The following CDC45 variants were observed in gnomAD, a reference collection of about 807,000 sequenced individuals.
CDC45 encodes cell division control protein 45 homolog.
Under a neutral mutation model 77.8 loss-of-function variants are expected in CDC45, and 54 were observed. The observed-to-expected ratio is 0.69, with a 90% CI of 0.56 to 0.87. The LOEUF (loss-of-function observed/expected upper bound fraction) is 0.87. Among genes scored for constraint, CDC45 ranks in the 40% least tolerant of loss-of-function variants. The pLI is 0.00. For synonymous variants in CDC45, 260 were observed against 272.1 expected (o/e 0.96, Z 0.44); for missense variants, 649 against 721.6 (o/e 0.90, Z 1.15).
At chr22:19,495,314 G>A (rs150347773) in intron 6 of CDC45, among the ~76,000 whole-genome samples, 107 of 152,310 alleles carry the variant, frequency 7.0e-4, no homozygotes, top group Middle Eastern at 3.4e-3. Flanking sequence ...TTTTTGAAAT[G>A]TAGGTTACTT....
At chr22:19,484,973 CTG>C (rs1283919421) in intron 5 of CDC45, among the ~76,000 whole-genome samples, 1 of 151,448 alleles carries the variant, frequency 6.6e-6, no homozygotes, top group Non-Finnish European at 1.5e-5. Context: ...GGGTCTCTCT[CTG>C]TTTCCCAGGC....
chr22:19,480,997 T>A lies in CDC45; in HGVS notation c.156T>A (p.Val52=), dbSNP rs2089971909. Residue 52 remains valine, a synonymous_variant, in exon 3 of 19, where the codon GTT becomes GTA. Transcript: ENST00000263201. ...ACGTGCAATATACGCTGGTTCCAGTTTCTGGGTGGCAAGAACTTGAAACTG... is the reference window on the plus strand; with the variant it reads ...ACGTGCAATATACGCTGGTTCCAGTATCTGGGTGGCAAGAACTTGAAACTG... ...CDHVQYTLVP[V]SGWQELETAF... 6.2e-7 allele frequency: 1 copy of A among 1,613,964 alleles called. No homozygotes were observed. The highest frequency in any genetic ancestry group is 2.2e-5 in the East Asian group (1 of 44,876).
intron 9 of CDC45, among the ~76,000 whole-genome samples, chr22:19,504,055 C>T (rs373391923): frequency 1.1e-4 from 16 of 152,342 alleles, no homozygotes; most frequent in Middle Eastern, 3.4e-3. Flanking sequence ...CACTGAACAG[C>T]GAAGGCGCAC....
At chr22:19,517,288 C>A (rs374952729) in intron 17 of CDC45, among the ~76,000 whole-genome samples, 1 of 152,172 alleles carries the variant, frequency 6.6e-6, no homozygotes, top group Admixed American at 6.6e-5. Context: ...GGACACCAAC[C>A]CTTGCTGCGC....
chr22:19,505,098 C>T (rs190973561), intron 9 of CDC45: 17 of 487,938 alleles, frequency 3.5e-5, no homozygotes, highest in Middle Eastern at 5.7e-4. Flanking sequence ...GTGGCCTCTG[C>T]GGTGCCCATT....
At chr22:19,505,667 G>A (rs534996187) in intron 10 of CDC45, among the ~76,000 whole-genome samples, 186 bp downstream of exon 10, 1 of 152,322 alleles carries the variant, frequency 6.6e-6, no homozygotes, top group South Asian at 2.1e-4. Context: ...GCTTCTAAAT[G>A]CCAGAGCTGA....
rs1568930805 is a variant in CDC45 at position 19,507,310 on chromosome 22, TGG to T, written c.825-75_825-74del. 19 of 1,548,834 alleles carry T rather than the reference TGG, an allele frequency of 1.2e-5. 2 individuals are homozygous for T. The South Asian group carries it at 2.2e-4, about 18-fold the overall frequency. ...GTGAGAAAGGGCCCCGCCATCAGAGTGGCCCACCTGCTGGAGTTACGAGAGTG... is the reference window on the plus strand; with the variant it reads ...GTGAGAAAGGGCCCCGCCATCAGAGTCCCACCTGCTGGAGTTACGAGAGTG... On this transcript the variant is annotated intron_variant, in intron 10 of 18. Transcript: ENST00000263201.
Position 19,480,154 on chromosome 22 carries a change from A to AT in CDC45, c.52-3dup. On this transcript the variant is annotated splice_polypyrimidine_tract_variant and splice_region_variant and intron_variant, in intron 1 of 18. Transcript: ENST00000263201. ...TGTTCAGCCGGTCTGCTCTTCCCCG[A>AT]TAGAGGGTCCTTCTCTTCGTGGCCT... is the stretch of plus-strand genomic sequence containing the variant. 2.5e-6 allele frequency: 4 copies of AT among 1,614,026 alleles called. No homozygotes were observed. The highest frequency in any genetic ancestry group is 3.4e-6 in the Non-Finnish European group (4 of 1,179,938).
At chr22:19,484,201 G>A (rs1033588524) in intron 5 of CDC45, among the ~76,000 whole-genome samples, 196 bp downstream of exon 5, 2 of 152,206 alleles carry the variant, frequency 1.3e-5, no homozygotes, top group African/African-American at 2.4e-5. Flanking sequence ...TCCCTAAATA[G>A]TGGCTTATCT....
intron 15 of CDC45, 138 bp from the exon 16 acceptor site, chr22:19,516,389 G>C: frequency 1.4e-6 from 1 of 722,330 alleles, no homozygotes; most frequent in Non-Finnish European, 2.5e-6. Context: ...TGGCTGGGTG[G>C]GGACCAAGGC....
At chr22:19,508,491 A>C (rs765739990) in intron 12 of CDC45, 39 bp from the exon 13 acceptor site, 1 of 1,612,264 alleles carries the variant, frequency 6.2e-7, no homozygotes, top group Non-Finnish European at 8.5e-7. Context: ...GAGCTTGCCC[A>C]CAATTTGAGG....
chr22:19,509,473 T>G (rs13447268), intron 13 of CDC45, among the ~76,000 whole-genome samples: 4 of 152,172 alleles, frequency 2.6e-5, no homozygotes, highest in African/African-American at 9.7e-5. Flanking sequence ...CTTGTGGGGT[T>G]ATTTAGAAAG....
intron 5 of CDC45, among the ~76,000 whole-genome samples, chr22:19,491,754 G>A (rs1392366996): frequency 6.6e-6 from 1 of 151,912 alleles, no homozygotes; most frequent in Non-Finnish European, 1.5e-5. Flanking sequence ...CACCCAGGCT[G>A]GAATGCAGTG....
At chr22:19,496,070 C>T (rs201610895) in intron 7 of CDC45, 41 bp downstream of exon 7, 4 of 1,370,990 alleles carry the variant, frequency 2.9e-6, no homozygotes, top group East Asian at 2.3e-5. Flanking sequence ...AGTTCTGACT[C>T]CAGGGGTCAG....
Position 19,505,421 on chromosome 22 carries a change from G to C in CDC45, c.764G>C (p.Arg255Pro), listed in dbSNP as rs541752640. ...LQRHVSRHNH[R>P]NEDEENTLSV... is the part of the protein sequence containing the mutation. Reference sequence around the variant, plus strand: ...CGCCACGTTTCCCGCCACAACCACCGGAACGAGGATGAGGAGAACACACTC... The same window carrying C: ...CGCCACGTTTCCCGCCACAACCACCCGAACGAGGATGAGGAGAACACACTC... Residue 255 changes from arginine (R) to proline (P), a missense_variant, in exon 10 of 19, where the codon CGG becomes CCG. By Grantham distance (103) the Arg-to-Pro change is moderately radical. Coordinates refer to ENST00000263201, the MANE Select transcript of CDC45 (RefSeq NM_003504.5). 5 of 1,614,106 alleles carry C rather than the reference G, an allele frequency of 3.1e-6. No homozygotes were observed. Among genetic ancestry groups the C allele is most frequent in the Non-Finnish European group, 4.2e-6 (5 of 1,179,960 alleles).
Position 19,505,055 on chromosome 22 carries a change from C to T in CDC45, c.705-307C>T, listed in dbSNP as rs138727160. ...CCCACTCTGCTGTGGATCCCTGTCA[C>T]TTACGGAGTCTGTCATCTTGGCTGT... is the stretch of plus-strand genomic sequence containing the variant. On this transcript the variant is annotated intron_variant, in intron 9 of 18. Transcript: ENST00000263201. 1.8e-3 allele frequency: 694 copies of T among 386,502 alleles called. 4 individuals carry two copies. The highest frequency in any genetic ancestry group is 0.013 in the African/African-American group (641 of 48,980). The allele number at this position is 386,502 out of a possible 1,614,324, so 23.9% of individuals were successfully genotyped here.
chr22:19,516,317 A>C (rs960776121), intron 15 of CDC45: 1 of 589,134 alleles, frequency 1.7e-6, no homozygotes, highest in African/African-American at 1.9e-5. Context: ...ACGGGAGGGC[A>C]GGTGTTTGGA....
intron 6 of CDC45, chr22:19,494,594 GTCTCCCAGGTACATGCCA>G (rs1568920920): frequency 1.3e-6 from 2 of 1,544,546 alleles, no homozygotes; most frequent in Non-Finnish European, 1.7e-6. Context: ...CAGCCCCAAG[GTCTCCCAGGTACATGCCA>G]TCCATTAGAG....
chr22:19,487,977 T>G (rs1312029912), intron 5 of CDC45, among the ~76,000 whole-genome samples: 1 of 151,054 alleles, frequency 6.6e-6, no homozygotes, highest in African/African-American at 2.4e-5. Flanking sequence ...TCGAGAATCA[T>G]TTTTACTTGT....
Sources: gnomAD v4.1 joint callset for allele counts (sites outside exome capture counted in the v4.1 genomes callset) on GRCh38, gnomAD v4.1.1 for gene constraint, MANE v1.5 for transcripts, NCBI Gene and HGNC (gene_info 2026-07-23, HGNC 2026-07-21) for gene names.